The following ACBD6 variants were observed in gnomAD, a reference collection of about 807,000 sequenced individuals.
ACBD6 encodes the protein acyl-CoA-binding domain-containing protein 6.
In ACBD6, 28 loss-of-function variants were observed where a neutral mutation model predicts 37.2. The ratio of observed to expected loss-of-function variants is 0.75; its 90% CI spans 0.56 to 1.03. ACBD6 has a LOEUF of 1.03. Ranked by LOEUF, ACBD6 falls within the 50% of genes least tolerant of loss-of-function variation. The pLI is 0.00. For synonymous variants in ACBD6, 113 were observed against 126.8 expected (o/e 0.89, Z 0.73); for missense variants, 340 against 337.4 (o/e 1.01, Z -0.06).
intron 3 of ACBD6, among the ~76,000 whole-genome samples, chr1:180,489,620 T>G (rs1362146271): frequency 1.3e-5 from 2 of 151,822 alleles, no homozygotes; most frequent in Non-Finnish European, 2.9e-5. Context: ...GATTTAGACA[T>G]TTTTAAAAAC....
At chr1:180,289,325 G>A (rs1649612781) in intron 7 of ACBD6, among the ~76,000 whole-genome samples, 2 of 152,148 alleles carry the variant, frequency 1.3e-5, no homozygotes, top group Admixed American at 1.3e-4. Context: ...GGCACCAGAT[G>A]AAACATAAAT....
At chr1:180,449,397 C>T (rs191025780) in intron 3 of ACBD6, among the ~76,000 whole-genome samples, 70 of 151,444 alleles carry the variant, frequency 4.6e-4, no homozygotes, top group Admixed American at 9.2e-4. Flanking sequence ...ATATCACTGA[C>T]CTACAACTCG....
At chr1:180,369,383 T>A (rs908816127) in intron 6 of ACBD6, among the ~76,000 whole-genome samples, 1 of 152,234 alleles carries the variant, frequency 6.6e-6, no homozygotes, top group Non-Finnish European at 1.5e-5. Flanking sequence ...GAGAGTGAGC[T>A]GGGTCATTTG....
intron 3 of ACBD6, among the ~76,000 whole-genome samples, chr1:180,447,355 C>T (rs182038110): frequency 7.6e-4 from 115 of 152,032 alleles, no homozygotes; most frequent in African/African-American, 2.0e-3. Context: ...AACAGAACTC[C>T]GAAGATTCTC....
At chr1:180,296,215 T>C (rs1649911332) in intron 7 of ACBD6, among the ~76,000 whole-genome samples, 1 of 152,204 alleles carries the variant, frequency 6.6e-6, no homozygotes, top group Non-Finnish European at 1.5e-5. Flanking sequence ...TCTGGCTCTT[T>C]CATTCTACGA....
At chr1:180,423,174 T>C (rs76304015) in intron 4 of ACBD6, among the ~76,000 whole-genome samples, 2,787 of 152,338 alleles carry the variant, frequency 0.018, 89 homozygotes, top group African/African-American at 0.063. Context: ...ACATAGTTCA[T>C]CTGCAAGTGT....
chr1:180,411,039 G>A (rs1331999061), intron 5 of ACBD6, among the ~76,000 whole-genome samples: 1 of 152,096 alleles, frequency 6.6e-6, no homozygotes, highest in Non-Finnish European at 1.5e-5. Context: ...CACAGATAAG[G>A]ATTCAAGACT....
chr1:180,315,559 G>A (rs1650765249), intron 6 of ACBD6, among the ~76,000 whole-genome samples: 1 of 152,176 alleles, frequency 6.6e-6, no homozygotes, highest in Non-Finnish European at 1.5e-5. Flanking sequence ...ACTTGGAAGG[G>A]TGATGTTATG....
intron 1 of ACBD6, among the ~76,000 whole-genome samples, chr1:180,501,211 T>C (rs891626820): frequency 6.6e-6 from 1 of 152,226 alleles, no homozygotes; most frequent in Non-Finnish European, 1.5e-5. Context: ...CTGGTGTTCA[T>C]AGCTCTAAAA....
intron 3 of ACBD6, among the ~76,000 whole-genome samples, chr1:180,451,235 C>T (rs1385665655): frequency 6.6e-6 from 1 of 152,128 alleles, no homozygotes; most frequent in African/African-American, 2.4e-5. Flanking sequence ...TGGCTACAAT[C>T]AAAAAGGCAG....
intron 7 of ACBD6, among the ~76,000 whole-genome samples, chr1:180,306,371 G>A (rs534017511): frequency 2.1e-4 from 32 of 152,056 alleles, no homozygotes; most frequent in Non-Finnish European, 3.5e-4. Context: ...ATTTTCTTAA[G>A]GAAATTTATC....
chr1:180,303,868 G>A (rs1472557719), intron 7 of ACBD6, among the ~76,000 whole-genome samples: 3 of 150,764 alleles, frequency 2.0e-5, no homozygotes, highest in African/African-American at 4.8e-5. Flanking sequence ...TAAAATACTG[G>A]CAAACCGAAT....
intron 6 of ACBD6, among the ~76,000 whole-genome samples, chr1:180,382,973 A>G (rs1422092561): frequency 1.3e-5 from 2 of 152,234 alleles, no homozygotes; most frequent in Non-Finnish European, 2.9e-5. Context: ...AGACACAGAA[A>G]AAGCATTTGA....
At chr1:180,446,059 G>A (rs1649460777) in intron 3 of ACBD6, among the ~76,000 whole-genome samples, 1 of 152,118 alleles carries the variant, frequency 6.6e-6, no homozygotes, top group South Asian at 2.1e-4. Context: ...CTGGAGTACA[G>A]TGGGTGATCT....
chr1:180,411,714 G>A (rs1647866059), intron 5 of ACBD6, among the ~76,000 whole-genome samples: 1 of 152,182 alleles, frequency 6.6e-6, no homozygotes. Context: ...TGCCCAGGCT[G>A]GAGTGCCATG....
At chr1:180,460,376 G>T (rs765453800) in intron 3 of ACBD6, among the ~76,000 whole-genome samples, 2 of 151,818 alleles carry the variant, frequency 1.3e-5, no homozygotes, top group Non-Finnish European at 2.9e-5. Context: ...AACCCAACAG[G>T]TCGCAGAAAC....
intron 3 of ACBD6, chr1:180,435,047 CG>C: frequency 3.3e-6 from 3 of 898,664 alleles, no homozygotes; most frequent in Non-Finnish European, 5.7e-6. Context: ...CCGAGATTAC[CG>C]TGGAAGGTCA....
At chr1:180,352,831 A>C (rs1652467616) in intron 6 of ACBD6, among the ~76,000 whole-genome samples, 1 of 152,234 alleles carries the variant, frequency 6.6e-6, no homozygotes, top group Non-Finnish European at 1.5e-5. Flanking sequence ...CTTTATTTTT[A>C]CAAAGTTCCC....
intron 4 of ACBD6, among the ~76,000 whole-genome samples, chr1:180,429,952 T>C (rs1400283515): frequency 2.6e-5 from 4 of 152,166 alleles, no homozygotes; most frequent in Non-Finnish European, 5.9e-5. Context: ...AGACATTTAA[T>C]TGATTTTAAA....
Sources: allele counts gnomAD v4.1 joint callset (sites outside exome capture counted in the v4.1 genomes callset), GRCh38; gene constraint gnomAD v4.1.1; transcripts MANE v1.5; gene names NCBI Gene and HGNC (gene_info 2026-07-23, HGNC 2026-07-21).